The following DIAPH2 variants were observed in gnomAD, a reference collection of about 807,000 sequenced individuals.
DIAPH2 encodes the protein diaphanous related formin 2, also known as protein diaphanous homolog 2.
A neutral mutation model predicts 92.7 loss-of-function variants in DIAPH2; 35 were observed. The observed-to-expected ratio is 0.38, with a 90% CI of 0.29 to 0.50. The LOEUF (loss-of-function observed/expected upper bound fraction) is 0.50. Ranked by LOEUF, DIAPH2 falls within the 20% of genes least tolerant of loss-of-function variation. The probability of loss-of-function intolerance (pLI) is 0.94; values close to 1 mark genes in which losing one functional copy is unlikely to be tolerated. For synonymous variants in DIAPH2, 301 were observed against 280.4 expected (o/e 1.07, Z -0.73); for missense variants, 701 against 819.5 (o/e 0.86, Z 1.77).
At chrX:96,886,368 A>T (rs1350266698) in intron 5 of DIAPH2, among the ~76,000 whole-genome samples, 1 of 110,122 alleles carries the variant, frequency 9.1e-6, no homozygotes. Context: ...TTATTTGTCA[A>T]ATTGAATCAT....
intron 17 of DIAPH2, among the ~76,000 whole-genome samples, chrX:96,981,527 T>C (rs888820911): frequency 8.9e-6 from 1 of 112,164 alleles, no homozygotes; most frequent in African/African-American, 3.2e-5. Context: ...ATGTTAATAT[T>C]TGTTGTGCCT....
chrX:97,468,071 G>A (rs1234992863), intron 26 of DIAPH2, among the ~76,000 whole-genome samples: 1 of 111,671 alleles, frequency 9.0e-6, no homozygotes, highest in Non-Finnish European at 1.9e-5. Flanking sequence ...GCTGTCAGGG[G>A]AATACTTTTT....
At chrX:96,835,571 C>T (rs752117927) in intron 4 of DIAPH2, among the ~76,000 whole-genome samples, 266 of 111,998 alleles carry the variant, frequency 2.4e-3, no homozygotes, top group Non-Finnish European at 4.3e-3. Flanking sequence ...GAAGGAGGAG[C>T]TTTCTATATT....
At chrX:96,920,676 A>G (rs915319544) in intron 9 of DIAPH2, among the ~76,000 whole-genome samples, 5 of 112,007 alleles carry the variant, frequency 4.5e-5, no homozygotes, top group Non-Finnish European at 7.5e-5. Flanking sequence ...ACCCCAAACA[A>G]TGAGATGGGA....
intron 17 of DIAPH2, among the ~76,000 whole-genome samples, chrX:97,005,741 G>A (rs1000589323): frequency 2.7e-5 from 3 of 110,136 alleles, no homozygotes; most frequent in Admixed American, 9.7e-5. Flanking sequence ...GGGTTTCACC[G>A]TGTTAGCAAG....
At chrX:97,439,486 C>T (rs2070230366) in intron 26 of DIAPH2, among the ~76,000 whole-genome samples, 1 of 110,013 alleles carries the variant, frequency 9.1e-6, no homozygotes, top group African/African-American at 3.3e-5. Context: ...AGGAGAATCG[C>T]TTGAACCCAG....
Position 96,912,343 on chromosome X carries a change from T to C in DIAPH2, c.603T>C (p.Phe201=). 8.3e-7 allele frequency: 1 copy of C among 1,200,976 alleles called. No individual in the cohort carries two copies. The highest frequency in any genetic ancestry group is 1.8e-5 in the South Asian group (1 of 54,888). ...TATTTCTCAGCTGGGTTAACAACTT[T>C]GGCCATGAAGGTCTTGGACTCTTAT... ...TSNPVSWVNN[F]GHEGLGLLLD... The change falls in exon 6 of 27, where the codon TTT becomes TTC. Residue 201 remains phenylalanine (F), a synonymous_variant. Transcript: ENST00000324765.
chrX:97,577,516 G>A (rs147703594), intron 26 of DIAPH2, among the ~76,000 whole-genome samples: 55 of 112,251 alleles, frequency 4.9e-4, no homozygotes, highest in Non-Finnish European at 9.2e-4. Flanking sequence ...GAGTCGAGAG[G>A]AGAGAAAGAT....
rs1356046699 is a variant in DIAPH2 at position 97,600,494 on chromosome X, A to G, written c.*1177A>G. ...AAGTGAACTTCTCAATTATCATCAT[A>G]CTTACTTACCTTATATTAACAAATT... On this transcript the variant is annotated 3_prime_UTR_variant, in exon 27 of 27. Transcript: ENST00000324765. 8.9e-6 allele frequency: 1 copy of G among 112,247 alleles called. No homozygotes were observed. Among genetic ancestry groups the G allele is most frequent in the Non-Finnish European group, 1.9e-5 (1 of 53,169 alleles). 9.3% of individuals were successfully genotyped at this position (112,247 alleles called of 1,213,427 possible). A position where few individuals can be genotyped will look rare whatever the true frequency, so the allele number is the denominator to read the frequency against.
At chrX:96,956,862 T>C (rs1339621736) in intron 15 of DIAPH2, among the ~76,000 whole-genome samples, 4 of 112,328 alleles carry the variant, frequency 3.6e-5, no homozygotes, top group Non-Finnish European at 7.5e-5. Context: ...TATTCCAACC[T>C]CTGCCTGTTA....
At chrX:96,774,915 C>A (rs1244020767) in intron 4 of DIAPH2, among the ~76,000 whole-genome samples, 1 of 112,266 alleles carries the variant, frequency 8.9e-6, no homozygotes, top group Admixed American at 9.4e-5. Context: ...TGTTCAATCT[C>A]TACATATTCA....
chrX:96,857,618 T>A (rs759413711), intron 4 of DIAPH2, among the ~76,000 whole-genome samples: 1 of 112,390 alleles, frequency 8.9e-6, no homozygotes, highest in South Asian at 3.7e-4. Context: ...AAAGTTATGT[T>A]GCTTTTATTA....
chrX:97,444,941 A>G (rs934232004), intron 26 of DIAPH2, among the ~76,000 whole-genome samples: 1 of 111,839 alleles, frequency 8.9e-6, no homozygotes, highest in African/African-American at 3.2e-5. Flanking sequence ...GATGATGCCT[A>G]TCCTTAGTGA....
chrX:97,444,342 T>C (rs1272231301), intron 26 of DIAPH2, among the ~76,000 whole-genome samples: 1 of 110,915 alleles, frequency 9.0e-6, no homozygotes, highest in Non-Finnish European at 1.9e-5. Flanking sequence ...TGCAGTGGTT[T>C]CAGAAAGTCA....
intron 4 of DIAPH2, among the ~76,000 whole-genome samples, chrX:96,858,624 T>C (rs753792962): frequency 3.6e-5 from 4 of 111,854 alleles, no homozygotes; most frequent in Admixed American, 9.5e-5. Flanking sequence ...TTAGCTAGTG[T>C]TCAAGTCAGG....
intron 20 of DIAPH2, among the ~76,000 whole-genome samples, chrX:97,113,294 A>G (rs1237968580): frequency 9.0e-6 from 1 of 111,698 alleles, no homozygotes. Context: ...CTTTTTCACC[A>G]GCAATAGTTT....
At chrX:97,260,556 T>C (rs1249483832) in intron 23 of DIAPH2, among the ~76,000 whole-genome samples, 1 of 112,493 alleles carries the variant, frequency 8.9e-6, no homozygotes, top group African/African-American at 3.2e-5. Flanking sequence ...GTTTCTTGTT[T>C]ATGGTCTTAC....
At chrX:96,711,913 G>A (rs1023422919) in intron 1 of DIAPH2, among the ~76,000 whole-genome samples, 1 of 111,526 alleles carries the variant, frequency 9.0e-6, no homozygotes, top group Non-Finnish European at 1.9e-5. Flanking sequence ...CAGTAGGTCT[G>A]TGGTAAAAAA....
At position 97,573,656 on chromosome X, in the gene DIAPH2, GT is replaced by G. The variant is rs1179976009; in HGVS notation, c.3242-25586del. On this transcript the variant is annotated intron_variant, in intron 26 of 26. Transcript: ENST00000324765. ...AAGCATGTTTTTTTGGGGTTTTTTT[GT>G]TTTTTTTTTTGTTTTTTTTTGAGGT... is the stretch of plus-strand genomic sequence containing the variant. Among the ~76,000 whole-genome samples, 36 of 96,510 alleles carry G rather than the reference GT, an allele frequency of 3.7e-4. No homozygotes were observed. The East Asian group carries it at 4.1e-3, about 11-fold the overall frequency. The allele number at this position is 96,510 out of a possible 115,157, so 83.8% of individuals were successfully genotyped here.
Sources: gnomAD v4.1 joint callset for allele counts (sites outside exome capture counted in the v4.1 genomes callset) on GRCh38, gnomAD v4.1.1 for gene constraint, MANE v1.5 for transcripts, NCBI Gene and HGNC (gene_info 2026-07-23, HGNC 2026-07-21) for gene names.